The following TANC1 variants were observed in gnomAD, a reference collection of about 807,000 sequenced individuals.
The protein encoded by TANC1 is protein TANC1.
In TANC1, 77 loss-of-function variants were observed where a neutral mutation model predicts 149.7. The observed-to-expected ratio is 0.51, with a 90% confidence interval of 0.43 to 0.62. TANC1 has a LOEUF of 0.62. Among genes scored for constraint, TANC1 ranks in the 20% least tolerant of loss-of-function variants. The pLI is 0.00. For missense variants in TANC1, 1,985 were observed against 2,321.8 expected (o/e 0.85, Z 2.98); for synonymous variants, 854 against 925.0 (o/e 0.92, Z 1.39).
At chr2:159,151,199 G>A (rs1230352045) in intron 7 of TANC1, among the ~76,000 whole-genome samples, 1 of 152,164 alleles carries the variant, frequency 6.6e-6, no homozygotes, top group Non-Finnish European at 1.5e-5. Flanking sequence ...AGATCATTAA[G>A]GATTTTGATT....
chr2:159,204,709 A>G (rs1051367837), intron 19 of TANC1, among the ~76,000 whole-genome samples: 2 of 152,262 alleles, frequency 1.3e-5, no homozygotes, highest in African/African-American at 4.8e-5. Context: ...GGAGTTGGTT[A>G]AAAGTGTGAC....
chr2:158,978,815 C>A (rs1304072717), intron 1 of TANC1, among the ~76,000 whole-genome samples: 1 of 152,144 alleles, frequency 6.6e-6, no homozygotes, highest in East Asian at 1.9e-4. Context: ...GATATATGCT[C>A]CCCTGATGGA....
intron 23 of TANC1, chr2:159,224,830 G>C (rs1418133608): frequency 6.1e-6 from 1 of 162,622 alleles, no homozygotes; most frequent in African/African-American, 2.4e-5. Context: ...CTTGAGGATT[G>C]TGTGGGGGAC....
chr2:159,079,346 CTTTTTT>C (rs68143585), intron 3 of TANC1, among the ~76,000 whole-genome samples: 1 of 109,918 alleles, frequency 9.1e-6, no homozygotes, highest in Non-Finnish European at 1.7e-5. Context: ...GTGTGTGTGT[CTTTTTT>C]TTTTTTTTTT....
chr2:158,999,065 A>C (rs574205907), intron 1 of TANC1, among the ~76,000 whole-genome samples: 15 of 152,276 alleles, frequency 9.9e-5, no homozygotes, highest in African/African-American at 3.4e-4. Context: ...GTGCATAATG[A>C]TTTTAAAACT....
chr2:159,195,187 C>T (rs2057756160), intron 17 of TANC1, among the ~76,000 whole-genome samples: 3 of 152,220 alleles, frequency 2.0e-5, no homozygotes, highest in Admixed American at 2.0e-4. Flanking sequence ...GAGGCATGAT[C>T]TTGGCTCACT....
At chr2:159,002,109 C>G (rs1194403486) in intron 2 of TANC1, among the ~76,000 whole-genome samples, 2 of 152,110 alleles carry the variant, frequency 1.3e-5, no homozygotes, top group Non-Finnish European at 2.9e-5. Context: ...GAGAGCCCAG[C>G]GTGGGGTGTG....
chr2:159,225,357 C>T (rs779299275), intron 23 of TANC1: 38 of 393,876 alleles, frequency 9.6e-5, no homozygotes, highest in African/African-American at 1.9e-4. Context: ...GCACGGTGGC[C>T]GCTGCAGGAA....
At chr2:158,990,172 G>A (rs900365873) in intron 1 of TANC1, among the ~76,000 whole-genome samples, 3 of 152,072 alleles carry the variant, frequency 2.0e-5, no homozygotes, top group African/African-American at 7.2e-5. Context: ...GCCTGACCTC[G>A]TGATCTGCCC....
At chr2:159,209,046 G>A (rs1241628379) in intron 19 of TANC1, among the ~76,000 whole-genome samples, 1 of 152,358 alleles carries the variant, frequency 6.6e-6, no homozygotes, top group Admixed American at 6.5e-5. Context: ...TGTATACGCA[G>A]TCTGTCGCTG....
intron 19 of TANC1, among the ~76,000 whole-genome samples, chr2:159,209,973 A>G (rs571348949): frequency 6.6e-6 from 1 of 152,310 alleles, no homozygotes; most frequent in South Asian, 2.1e-4. Context: ...CCAGGATAAT[A>G]GGAAGTAAAT....
chr2:159,206,349 C>T (rs1338250006), intron 19 of TANC1, among the ~76,000 whole-genome samples: 3 of 152,194 alleles, frequency 2.0e-5, no homozygotes, highest in Non-Finnish European at 4.4e-5. Context: ...ACCCTATCCT[C>T]CTGGTCTCAC....
At chr2:159,019,044 T>C (rs1057156765) in intron 2 of TANC1, among the ~76,000 whole-genome samples, 1 of 152,252 alleles carries the variant, frequency 6.6e-6, no homozygotes, top group Non-Finnish European at 1.5e-5. Context: ...ATGCTAGCTC[T>C]GTGAGGTAGA....
intron 2 of TANC1, among the ~76,000 whole-genome samples, chr2:159,053,189 C>T (rs2041597410): frequency 6.7e-6 from 1 of 149,886 alleles, no homozygotes; most frequent in Admixed American, 6.7e-5. Flanking sequence ...TTGTCTGTGA[C>T]TTTTATCATC....
intron 2 of TANC1, among the ~76,000 whole-genome samples, chr2:159,047,397 G>T (rs754474898): frequency 6.6e-6 from 1 of 151,748 alleles, no homozygotes; most frequent in Non-Finnish European, 1.5e-5. Context: ...GAAGGAAAAC[G>T]CAAACTTAAG....
chr2:159,148,998 G>A, intron 5 of TANC1, 144 bp from the exon 6 acceptor site: 1 of 877,202 alleles, frequency 1.1e-6, no homozygotes, highest in East Asian at 2.5e-5. Context: ...ATTGCTAGAG[G>A]ACAGGGTGCG....
intron 19 of TANC1, among the ~76,000 whole-genome samples, chr2:159,212,278 T>C (rs2059038263): frequency 6.6e-6 from 1 of 152,218 alleles, no homozygotes; most frequent in African/African-American, 2.4e-5. Flanking sequence ...TTTTGATTCA[T>C]TCCTTCTTCT....
At chr2:159,044,486 G>A (rs186899054) in intron 2 of TANC1, among the ~76,000 whole-genome samples, 105 of 152,076 alleles carry the variant, frequency 6.9e-4, no homozygotes, top group African/African-American at 2.3e-3. Flanking sequence ...TAATGTATAT[G>A]ATCTATGTTC....
chr2:159,082,417 T>G (rs925413282), intron 3 of TANC1, among the ~76,000 whole-genome samples: 4 of 152,058 alleles, frequency 2.6e-5, no homozygotes, highest in Non-Finnish European at 5.9e-5. Context: ...TGAACCACAG[T>G]AAGCATCTTA....
Sources: allele counts gnomAD v4.1 joint callset (sites outside exome capture counted in the v4.1 genomes callset), GRCh38; gene constraint gnomAD v4.1.1; transcripts MANE v1.5; gene names NCBI Gene and HGNC (gene_info 2026-07-23, HGNC 2026-07-21).